The following BANF2 variants were observed in gnomAD, a reference collection of about 807,000 sequenced individuals.
BANF2 encodes barrier-to-autointegration factor-like protein.
A neutral mutation model predicts 8.0 loss-of-function variants in BANF2; 4 were observed. That is an observed-to-expected ratio of 0.50 (90% CI 0.25 to 1.14). The LOEUF (loss-of-function observed/expected upper bound fraction) is 1.14. Among genes scored for constraint, BANF2 ranks in the 50% most tolerant of loss-of-function variants. The pLI is 0.16. For synonymous variants in BANF2, 50 were observed against 40.6 expected (o/e 1.23, Z -0.88); for missense variants, 96 against 107.5 (o/e 0.89, Z 0.47).
intron 1 of BANF2, among the ~76,000 whole-genome samples, chr20:17,707,510 G>A (rs2037500547): frequency 6.6e-6 from 1 of 152,084 alleles, no homozygotes; most frequent in Non-Finnish European, 1.5e-5. Flanking sequence ...TTTTTCACAG[G>A]GAAGGTCAGA....
intron 1 of BANF2, among the ~76,000 whole-genome samples, chr20:17,716,511 G>A (rs977380961): frequency 6.6e-6 from 1 of 151,624 alleles, no homozygotes; most frequent in African/African-American, 2.4e-5. Context: ...TTTTTGTAAA[G>A]ACAAGGTTGT....
At chr20:17,724,901 G>A (rs2037781508) in intron 2 of BANF2, 122 bp from the exon 3 acceptor site, 1 of 1,035,824 alleles carries the variant, frequency 9.7e-7, no homozygotes, top group Admixed American at 2.5e-5. Context: ...CTGGATGATG[G>A]AAGGAATTCT....
intron 2 of BANF2, among the ~76,000 whole-genome samples, chr20:17,724,747 T>C (rs2296904): frequency 0.14 from 21,957 of 152,246 alleles, 1,639 homozygotes; most frequent in Middle Eastern, 0.28. Flanking sequence ...CAGTTCTTAA[T>C]ATTAAGCACA....
intron 3 of BANF2, chr20:17,731,568 CACTGT>C (rs1432969314): frequency 6.6e-6 from 1 of 151,338 alleles, no homozygotes; most frequent in African/African-American, 2.4e-5. Context: ...TTTTAGGGCC[CACTGT>C]AAAATGAAAA....
chr20:17,699,381 A>G (rs1159421301), upstream of BANF2, among the ~76,000 whole-genome samples: 2 of 152,250 alleles, frequency 1.3e-5, no homozygotes, highest in Non-Finnish European at 1.5e-5. Context: ...CATATATGCT[A>G]TAGAGGATAA....
At chr20:17,712,556 C>T in intron 1 of BANF2, 4 of 980,136 alleles carry the variant, frequency 4.1e-6, no homozygotes, top group Non-Finnish European at 4.8e-6. Flanking sequence ...GAAGTTCAAG[C>T]CCCGTGCCCA....
At chr20:17,707,433 A>G (rs912052759) in intron 1 of BANF2, among the ~76,000 whole-genome samples, 11 of 151,900 alleles carry the variant, frequency 7.2e-5, no homozygotes, top group Admixed American at 3.3e-4. Context: ...TGGGAGTAGC[A>G]TGTGGTCCCC....
At chr20:17,710,234 G>A (rs569984663) in intron 1 of BANF2, among the ~76,000 whole-genome samples, 16 of 152,292 alleles carry the variant, frequency 1.1e-4, no homozygotes, top group Non-Finnish European at 1.8e-4. Flanking sequence ...CCCTGGGGGG[G>A]ACATGGGCAG....
intron 3 of BANF2, chr20:17,731,315 A>G (rs2037890476): frequency 6.6e-6 from 1 of 152,196 alleles, no homozygotes; most frequent in Non-Finnish European, 1.5e-5. Context: ...CTGAAATGAC[A>G]TGAAGACTTA....
intron 1 of BANF2, among the ~76,000 whole-genome samples, chr20:17,720,632 G>A (rs1036372842): frequency 8.5e-5 from 13 of 152,206 alleles, no homozygotes; most frequent in African/African-American, 3.1e-4. Flanking sequence ...AAATAGAATA[G>A]TGGTTGCCAG....
At chr20:17,719,729 G>A (rs1053614327) in intron 1 of BANF2, among the ~76,000 whole-genome samples, 5 of 149,784 alleles carry the variant, frequency 3.3e-5, no homozygotes. Context: ...ATTCAGGTCT[G>A]TCTGCTCTGA....
Position 17,735,814 on chromosome 20 carries a change from A to G in BANF2, c.*3A>G, listed in dbSNP as rs1459390960. The G allele has an allele frequency of 6.2e-7, 1 of 1,611,364 alleles. No individual in the cohort carries two copies. The highest frequency in any genetic ancestry group is 2.2e-5 in the East Asian group (1 of 44,788). On this transcript the variant is annotated 3_prime_UTR_variant, in exon 4 of 4. Coordinates refer to ENST00000246090, the MANE Select transcript of BANF2 (RefSeq NM_178477.5). ...AGTGGTGTGCCTGCTTCCTGTAGAC[A>G]CAAACCTCATTGCTGCCCCCCACCA...
chr20:17,735,838 C>A lies in BANF2; in HGVS notation c.*27C>A, dbSNP rs1389485958. 2 of 1,599,416 alleles carry A rather than the reference C, an allele frequency of 1.3e-6. No homozygotes were observed. Among genetic ancestry groups the A allele is most frequent in the African/African-American group, 1.3e-5 (1 of 74,802 alleles). The stretch of plus-strand genomic sequence containing the variant: ...CACAAACCTCATTGCTGCCCCCCAC[C>A]ACCCTCTGGGGAAAATGACGCCTTC... On this transcript the variant is annotated 3_prime_UTR_variant, in exon 4 of 4. Coordinates refer to ENST00000246090, the MANE Select transcript of BANF2 (RefSeq NM_178477.5).
chr20:17,729,184 G>A lies in BANF2; in HGVS notation c.126+4033G>A, dbSNP rs1277716945. 3.3e-5 allele frequency among the ~76,000 whole-genome samples: 5 copies of A among 152,138 alleles called. No homozygotes were observed. The South Asian group carries it at 6.2e-4, about 19-fold the overall frequency. ...CATGGTGCACATGCCAATGAGGCTC[G>A]CTGTGCCTGGCTCTAGCTCTGTCTT... On this transcript the variant is annotated intron_variant, in intron 3 of 3. Coordinates refer to ENST00000246090, the MANE Select transcript of BANF2 (RefSeq NM_178477.5).
chr20:17,735,186 C>T (rs865940584), intron 3 of BANF2, among the ~76,000 whole-genome samples: 1 of 152,188 alleles, frequency 6.6e-6, no homozygotes, highest in Admixed American at 6.5e-5. Context: ...GGGAATGTCT[C>T]TTACTCTGTC....
chr20:17,730,048 T>C (rs1600228942), intron 3 of BANF2, among the ~76,000 whole-genome samples: 1 of 152,194 alleles, frequency 6.6e-6, no homozygotes, highest in South Asian at 2.1e-4. Context: ...GCAGACACTA[T>C]AAAGCCATAT....
intron 1 of BANF2, among the ~76,000 whole-genome samples, chr20:17,704,367 G>T (rs117497022): frequency 6.6e-6 from 1 of 152,224 alleles, no homozygotes; most frequent in South Asian, 2.1e-4. Flanking sequence ...TCCAAGAGAC[G>T]TCAAAGCTGC....
intron 1 of BANF2, among the ~76,000 whole-genome samples, chr20:17,708,428 A>T (rs1406665081): frequency 6.6e-6 from 1 of 152,220 alleles, no homozygotes; most frequent in Non-Finnish European, 1.5e-5. Context: ...CAACATTTAA[A>T]AATTGGATAC....
intron 1 of BANF2, among the ~76,000 whole-genome samples, chr20:17,710,149 G>A (rs1420342306): frequency 1.3e-5 from 2 of 152,218 alleles, no homozygotes; most frequent in African/African-American, 2.4e-5. Context: ...CATCCTGGCC[G>A]AGGGCTGCTC....
Sources: gnomAD v4.1 joint callset for allele counts (sites outside exome capture counted in the v4.1 genomes callset) on GRCh38, gnomAD v4.1.1 for gene constraint, MANE v1.5 for transcripts, NCBI Gene and HGNC (gene_info 2026-07-23, HGNC 2026-07-21) for gene names.